ADAM28: variants seen among roughly 807,000 people sequenced by gnomAD.
ADAM28 encodes the protein ADAM metallopeptidase domain 28.
A neutral mutation model predicts 101.2 loss-of-function variants in ADAM28; 105 were observed. The ratio of observed to expected loss-of-function variants is 1.04; its 90% confidence interval spans 0.89 to 1.22. The LOEUF (loss-of-function observed/expected upper bound fraction) is 1.22, where lower values mean the gene tolerates loss of function less well. ADAM28 is among the 50% of genes most tolerant of loss of function. The pLI is 0.00. For synonymous variants in ADAM28, 322 were observed against 310.6 expected (o/e 1.04, Z -0.39); for missense variants, 1,028 against 945.4 (o/e 1.09, Z -1.15).
intron 17 of ADAM28, 98 bp from the exon 18 acceptor site, chr8:24,343,408 G>T: frequency 7.9e-7 from 1 of 1,267,190 alleles, no homozygotes; most frequent in Non-Finnish European, 1.1e-6. Flanking sequence ...GGAGACTGGG[G>T]TTATTCCTTT....
intron 2 of ADAM28, among the ~76,000 whole-genome samples, chr8:24,304,234 A>C (rs10112813): frequency 0.063 from 9,448 of 149,084 alleles, 472 homozygotes; most frequent in African/African-American, 0.14. Flanking sequence ...CTAGATGAAC[A>C]ATATTAATTT....
At chr8:24,329,891 G>GAA in intron 10 of ADAM28, 94 bp from the exon 11 acceptor site, 2 of 1,106,874 alleles carry the variant, frequency 1.8e-6, no homozygotes, top group East Asian at 6.4e-5. Context: ...GTGTGTGAGA[G>GAA]AGAGAGAGAG....
intron 14 of ADAM28, among the ~76,000 whole-genome samples, chr8:24,336,600 GAAAA>G (rs1257292791): frequency 8.6e-6 from 1 of 116,750 alleles, no homozygotes; most frequent in African/African-American, 3.3e-5. Flanking sequence ...AAAAAAAAAA[GAAAA>G]AAAAAGAAAA....
rs181431936 is a variant in ADAM28, at chr8:24,317,550, C to A, written c.577-2686C>A. On this transcript the variant is annotated intron_variant, in intron 6 of 22. Transcript: ENST00000265769. Reference sequence around the variant, plus strand: ...AATTCAAATCAAAATGAAAAAGAAACCTAAATGTAATACCTAAAACCATAA... The same window carrying A: ...AATTCAAATCAAAATGAAAAAGAAAACTAAATGTAATACCTAAAACCATAA... 4.6e-4 allele frequency among the ~76,000 whole-genome samples: 70 copies of A among 151,934 alleles called. No homozygotes were observed. In the East Asian group the frequency reaches 0.013, roughly 29 times the overall value.
chr8:24,311,895 C>T (rs1810508543), intron 5 of ADAM28, among the ~76,000 whole-genome samples: 1 of 152,054 alleles, frequency 6.6e-6, no homozygotes, highest in Non-Finnish European at 1.5e-5. Flanking sequence ...CCCGCCACCA[C>T]ACCTGGCTAG....
At chr8:24,327,673 T>A (rs1812802430) in intron 10 of ADAM28, among the ~76,000 whole-genome samples, 1 of 152,124 alleles carries the variant, frequency 6.6e-6, no homozygotes, top group South Asian at 2.1e-4. Context: ...AGCAGGGTAC[T>A]GGGACCAAAA....
Position 24,339,460 on chromosome 8 carries a change from T to C in ADAM28, c.1568-6T>C. 1 of 1,607,256 alleles carries C rather than the reference T, an allele frequency of 6.2e-7. No individual in the cohort carries two copies. Among genetic ancestry groups the C allele is most frequent in the South Asian group, 1.1e-5 (1 of 90,352 alleles). On this transcript the variant is annotated splice_region_variant and splice_polypyrimidine_tract_variant and intron_variant, in intron 14 of 22. Coordinates refer to ENST00000265769, the MANE Select transcript of ADAM28 (RefSeq NM_014265.6). The stretch of plus-strand genomic sequence containing the variant: ...TCTTTTCCCTGCTGACTGATCCTGG[T>C]CCCAGGAACTGAGGTTGCAGATAAG...
Position 24,310,161 on chromosome 8 carries a change from A to G in ADAM28, c.228-2A>G. 1 of 1,613,244 alleles carries G rather than the reference A, an allele frequency of 6.2e-7. No homozygotes were observed. The highest frequency in any genetic ancestry group is 8.5e-7 in the Non-Finnish European group (1 of 1,179,506). Reference sequence around the variant, plus strand: ...ACAACATTTTTGTGTTTCTTTCTCCAGGAACCTCCTTGCACCAGGCTACAC... The same window carrying G: ...ACAACATTTTTGTGTTTCTTTCTCCGGGAACCTCCTTGCACCAGGCTACAC... On this transcript the variant is annotated splice_acceptor_variant, in intron 3 of 22. Coordinates refer to ENST00000265769, the MANE Select transcript of ADAM28 (RefSeq NM_014265.6). LOFTEE classifies it high-confidence loss of function.
intron 13 of ADAM28, among the ~76,000 whole-genome samples, 166 bp downstream of exon 13, chr8:24,332,915 T>C (rs2093419290): frequency 6.6e-6 from 1 of 152,200 alleles, no homozygotes; most frequent in African/African-American, 2.4e-5. Context: ...CATGGCCTAT[T>C]GAATCTTCCA....
intron 14 of ADAM28, among the ~76,000 whole-genome samples, chr8:24,339,183 G>A (rs1814454892): frequency 6.6e-6 from 1 of 152,010 alleles, no homozygotes; most frequent in Admixed American, 6.6e-5. Context: ...TGAAATATGT[G>A]ATGCCTATTT....
chr8:24,306,094 T>C (rs980035773), intron 2 of ADAM28, among the ~76,000 whole-genome samples: 1 of 151,804 alleles, frequency 6.6e-6, no homozygotes, highest in African/African-American at 2.4e-5. Context: ...CCACACCACT[T>C]TGGGAGGCCG....
chr8:24,325,805 T>C (rs1812460375), intron 9 of ADAM28, among the ~76,000 whole-genome samples: 1 of 119,612 alleles, frequency 8.4e-6, no homozygotes, highest in East Asian at 2.5e-4. Flanking sequence ...ACTAAGGAAA[T>C]TAAAAACTTG....
chr8:24,324,063 C>A, intron 9 of ADAM28, 60 bp downstream of exon 9: 1 of 1,544,954 alleles, frequency 6.5e-7, no homozygotes, highest in South Asian at 1.2e-5. Context: ...CTTTTCTGAG[C>A]CTTGGCAAAG....
At chr8:24,344,764 A>G (rs969618633) in intron 18 of ADAM28, among the ~76,000 whole-genome samples, 2 of 152,144 alleles carry the variant, frequency 1.3e-5, no homozygotes, top group African/African-American at 4.8e-5. Flanking sequence ...CTTTTAAACT[A>G]TGACTTTCTT....
chr8:24,298,562 TG>T (rs1305539575), intron 1 of ADAM28, among the ~76,000 whole-genome samples: 1 of 152,204 alleles, frequency 6.6e-6, no homozygotes, highest in Non-Finnish European at 1.5e-5. Flanking sequence ...GCCTCATCTA[TG>T]TTTGTTAAAA....
chr8:24,346,739 G>T (rs989544768), intron 18 of ADAM28, among the ~76,000 whole-genome samples: 1 of 152,026 alleles, frequency 6.6e-6, no homozygotes, highest in African/African-American at 2.4e-5. Context: ...CCAAGAAATA[G>T]ACCCAGACAT....
At chr8:24,347,949 A>G (rs1310972760) in intron 18 of ADAM28, among the ~76,000 whole-genome samples, 1 of 152,056 alleles carries the variant, frequency 6.6e-6, no homozygotes, top group Non-Finnish European at 1.5e-5. Context: ...ATGCACATAT[A>G]GTTTTTAGTA....
chr8:24,305,014 C>G (rs534228082), intron 2 of ADAM28, among the ~76,000 whole-genome samples: 4 of 151,728 alleles, frequency 2.6e-5, no homozygotes, highest in Admixed American at 2.6e-4. Flanking sequence ...GGCTTCATGT[C>G]CCAGTTAATA....
intron 6 of ADAM28, among the ~76,000 whole-genome samples, chr8:24,318,556 A>G (rs891681501): frequency 1.3e-5 from 2 of 151,908 alleles, no homozygotes; most frequent in Non-Finnish European, 2.9e-5. Flanking sequence ...TAATATATCT[A>G]CTCAAACACC....
Sources: gnomAD v4.1 joint callset for allele counts (sites outside exome capture counted in the v4.1 genomes callset) on GRCh38, gnomAD v4.1.1 for gene constraint, MANE v1.5 for transcripts, NCBI Gene and HGNC (gene_info 2026-07-23, HGNC 2026-07-21) for gene names.